EPHA3: variants seen among roughly 807,000 people sequenced by gnomAD.
EPHA3 encodes ephrin type-A receptor 3.
In EPHA3, 42 loss-of-function variants were observed where a neutral mutation model predicts 107.1. That is an observed-to-expected ratio of 0.39 (90% CI 0.31 to 0.51). The LOEUF is 0.51. EPHA3 is among the 20% of genes least tolerant of loss of function. The pLI, the probability that EPHA3 is intolerant of heterozygous loss-of-function variation, is 0.78. For missense variants in EPHA3, 1,183 were observed against 1,211.2 expected (o/e 0.98, Z 0.35); for synonymous variants, 461 against 424.8 (o/e 1.09, Z -1.05).
intron 15 of EPHA3, among the ~76,000 whole-genome samples, chr3:89,468,387 A>T (rs1710333236): frequency 6.6e-6 from 1 of 152,086 alleles, no homozygotes; most frequent in South Asian, 2.1e-4. Context: ...ACTCTTGTTG[A>T]GTCTGGCTAA....
chr3:89,122,292 G>T (rs1707408881), intron 1 of EPHA3, among the ~76,000 whole-genome samples: 3 of 152,108 alleles, frequency 2.0e-5, no homozygotes, highest in Non-Finnish European at 4.4e-5. Flanking sequence ...TCAAAGGATG[G>T]GCTTATTTTT....
At chr3:89,338,635 G>A (rs1707446732) in intron 3 of EPHA3, among the ~76,000 whole-genome samples, 1 of 152,264 alleles carries the variant, frequency 6.6e-6, no homozygotes, top group African/African-American at 2.4e-5. Context: ...TGCAAGCTCC[G>A]CCTCCCTGGT....
At chr3:89,150,320 C>A in intron 2 of EPHA3, among the ~76,000 whole-genome samples, 1 of 151,884 alleles carries the variant, frequency 6.6e-6, no homozygotes, top group Non-Finnish European at 1.5e-5. Context: ...TCAACATGGT[C>A]TTTAGGAAAT....
At chr3:89,364,309 C>T (rs1481962956) in intron 5 of EPHA3, among the ~76,000 whole-genome samples, 1 of 150,924 alleles carries the variant, frequency 6.6e-6, no homozygotes, top group Non-Finnish European at 1.5e-5. Flanking sequence ...AAATATCATT[C>T]AGAGGCCTTT....
At chr3:89,162,162 A>T (rs531451272) in intron 2 of EPHA3, among the ~76,000 whole-genome samples, 7 of 152,032 alleles carry the variant, frequency 4.6e-5, no homozygotes, top group Non-Finnish European at 8.8e-5. Context: ...GAGGCTGAAA[A>T]GGGGTATTAC....
At chr3:89,160,471 G>A (rs796221942) in intron 2 of EPHA3, among the ~76,000 whole-genome samples, 33 of 150,766 alleles carry the variant, frequency 2.2e-4, no homozygotes, top group African/African-American at 7.8e-4. Context: ...ATATTCTTAA[G>A]TAAATAATTA....
chr3:89,378,125 T>G (rs2107480427), intron 5 of EPHA3, among the ~76,000 whole-genome samples: 1 of 152,092 alleles, frequency 6.6e-6, no homozygotes, highest in East Asian at 1.9e-4. Context: ...GGTGGGGGAC[T>G]AGGGGAGGGA....
At chr3:89,263,139 A>T (rs1391612226) in intron 3 of EPHA3, among the ~76,000 whole-genome samples, 2 of 151,810 alleles carry the variant, frequency 1.3e-5, no homozygotes, top group Non-Finnish European at 2.9e-5. Context: ...GTCCCCTGAC[A>T]GGCCCCATGC....
chr3:89,424,483 GTTA>G (rs898194854), intron 11 of EPHA3, among the ~76,000 whole-genome samples: 1 of 150,996 alleles, frequency 6.6e-6, no homozygotes, highest in East Asian at 2.0e-4. Context: ...AAAGCCTGTT[GTTA>G]TTATTATTTC....
chr3:89,429,019 C>T (rs1479348043), intron 11 of EPHA3, 87 bp from the exon 12 acceptor site: 30 of 845,478 alleles, frequency 3.5e-5, no homozygotes, highest in Non-Finnish European at 1.9e-5. Flanking sequence ...CTCTATAATC[C>T]TCAGGTAAAT....
In EPHA3 at chr3:89,219,952, C is replaced by A. The variant is rs530108939; in HGVS notation, c.814+9432C>A. ...CTCGATCTCCTGACCTCGTGATCCG[C>A]CCGCCTCGGCCTCCCAAAGTGCTGG... On this transcript the variant is annotated intron_variant, in intron 3 of 16. Transcript: ENST00000336596. Among the ~76,000 whole-genome samples the A allele has an allele frequency of 2.0e-5, 3 of 151,232 alleles. No individual in the cohort carries two copies. In the East Asian group the frequency reaches 5.9e-4, roughly 30 times the overall value.
intron 2 of EPHA3, among the ~76,000 whole-genome samples, chr3:89,194,342 C>G (rs1361649223): frequency 2.0e-5 from 3 of 151,854 alleles, no homozygotes; most frequent in African/African-American, 7.2e-5. Flanking sequence ...ATTAGTAGAG[C>G]AGAGTTTTAT....
At position 89,351,224 on chromosome 3, in the gene EPHA3, T is replaced by C. The variant is rs866652782; in HGVS notation, c.1306+9134T>C. The stretch of plus-strand genomic sequence containing the variant: ...GGCGCCCCTCCCCCAGCCTCGCTGC[T>C]GCCTTGCAGTTTGATCTCAGACTGC... On this transcript the variant is annotated intron_variant, in intron 5 of 16. Coordinates refer to ENST00000336596, the MANE Select transcript of EPHA3 (RefSeq NM_005233.6). Among the ~76,000 whole-genome samples the C allele has an allele frequency of 8.9e-3, 1,334 of 150,548 alleles. 48 individuals carry two copies. Among genetic ancestry groups the C allele is most frequent in the Non-Finnish European group, 0.012 (807 of 67,102 alleles).
At chr3:89,264,485 T>C (rs1030391862) in intron 3 of EPHA3, among the ~76,000 whole-genome samples, 1 of 152,224 alleles carries the variant, frequency 6.6e-6, no homozygotes, top group Admixed American at 6.5e-5. Flanking sequence ...AGTGAAATCG[T>C]ACTCATTTTT....
intron 3 of EPHA3, among the ~76,000 whole-genome samples, chr3:89,246,606 G>A (rs1057247982): frequency 6.6e-6 from 1 of 151,986 alleles, no homozygotes; most frequent in African/African-American, 2.4e-5. Context: ...CATGGGCAAT[G>A]GCAGTTCAAT....
intron 3 of EPHA3, among the ~76,000 whole-genome samples, chr3:89,328,892 CG>C (rs1707230321): frequency 1.3e-5 from 2 of 151,726 alleles, no homozygotes. Flanking sequence ...CCAGGTACAT[CG>C]TTCTGGAAAA....
intron 2 of EPHA3, among the ~76,000 whole-genome samples, chr3:89,206,329 A>G (rs1420969839): frequency 6.6e-6 from 1 of 152,210 alleles, no homozygotes; most frequent in East Asian, 1.9e-4. Context: ...GAAAACCTCT[A>G]CACAATATGT....
intron 3 of EPHA3, among the ~76,000 whole-genome samples, chr3:89,236,419 T>C (rs1161283119): frequency 6.6e-6 from 1 of 152,076 alleles, no homozygotes; most frequent in Non-Finnish European, 1.5e-5. Context: ...TAAAACTGTG[T>C]ACGAAATTTA....
At chr3:89,432,733 CAAAT>C (rs1285028585) in intron 13 of EPHA3, among the ~76,000 whole-genome samples, 1 of 151,848 alleles carries the variant, frequency 6.6e-6, no homozygotes, top group Non-Finnish European at 1.5e-5. Flanking sequence ...TAAATTTTCA[CAAAT>C]AAATAACTCC....
Sources: allele counts gnomAD v4.1 joint callset (sites outside exome capture counted in the v4.1 genomes callset), GRCh38; gene constraint gnomAD v4.1.1; transcripts MANE v1.5; gene names NCBI Gene and HGNC (gene_info 2026-07-23, HGNC 2026-07-21).